The following ADGRB3 variants were observed in gnomAD, a reference collection of about 807,000 sequenced individuals.
ADGRB3 encodes the protein brain-specific angiogenesis inhibitor 3.
ADGRB3 carries 37 observed loss-of-function variants against 193.4 expected under a neutral mutation model. The observed-to-expected ratio is 0.19, with a 90% CI of 0.15 to 0.25. The LOEUF (loss-of-function observed/expected upper bound fraction) is 0.25. Ranked by LOEUF, ADGRB3 falls within the 10% of genes least tolerant of loss-of-function variation. ADGRB3 has a pLI of 1.00. For synonymous variants in ADGRB3, 690 were observed against 644.2 expected, an observed-to-expected ratio of 1.07 and a Z score of -1.08; for missense variants, 1,637 against 1,852.9, an observed-to-expected ratio of 0.88 and a Z score of 2.14.
At chr6:69,031,250 C>T (rs1770673363) in intron 13 of ADGRB3, among the ~76,000 whole-genome samples, 1 of 151,268 alleles carries the variant, frequency 6.6e-6, no homozygotes, top group South Asian at 2.1e-4. Flanking sequence ...ACCATCCTGG[C>T]TAACACGGTG....
At chr6:68,998,664 A>G (rs1380104837) in intron 11 of ADGRB3, among the ~76,000 whole-genome samples, 1 of 152,252 alleles carries the variant, frequency 6.6e-6, no homozygotes, top group African/African-American at 2.4e-5. Context: ...TATGATACCC[A>G]TTGTTTATTT....
At chr6:69,110,318 T>C (rs2150325285) in intron 17 of ADGRB3, among the ~76,000 whole-genome samples, 1 of 152,298 alleles carries the variant, frequency 6.6e-6, no homozygotes, top group Non-Finnish European at 1.5e-5. Flanking sequence ...ATAATGAAAT[T>C]AAAATATTCC....
chr6:69,368,258 A>G (rs1388400577), intron 29 of ADGRB3, among the ~76,000 whole-genome samples: 1 of 152,152 alleles, frequency 6.6e-6, no homozygotes, highest in African/African-American at 2.4e-5. Flanking sequence ...CAGAGGTTTT[A>G]GGAGAGGAGA....
At chr6:68,900,393 A>G (rs1459024543) in intron 3 of ADGRB3, among the ~76,000 whole-genome samples, 4 of 152,164 alleles carry the variant, frequency 2.6e-5, no homozygotes, top group Non-Finnish European at 5.9e-5. Flanking sequence ...TCAGGGGCTC[A>G]TAGGGAACAT....
At chr6:69,121,940 G>T (rs1474737299) in intron 17 of ADGRB3, among the ~76,000 whole-genome samples, 1 of 150,360 alleles carries the variant, frequency 6.7e-6, no homozygotes, top group Non-Finnish European at 1.5e-5. Context: ...AGACTGGGCG[G>T]CTGGGCAGAG....
intron 3 of ADGRB3, among the ~76,000 whole-genome samples, chr6:68,857,206 C>T (rs960790072): frequency 3.3e-5 from 5 of 152,182 alleles, no homozygotes; most frequent in African/African-American, 9.7e-5. Context: ...GGTTGGAGCC[C>T]CCACACAGAG....
intron 17 of ADGRB3, among the ~76,000 whole-genome samples, chr6:69,186,449 A>T (rs566429222): frequency 6.6e-6 from 1 of 152,168 alleles, no homozygotes; most frequent in East Asian, 1.9e-4. Context: ...CTCCCCACCC[A>T]GCATCATTTA....
At chr6:69,261,098 G>T (rs1245822885) in intron 20 of ADGRB3, among the ~76,000 whole-genome samples, 1 of 152,182 alleles carries the variant, frequency 6.6e-6, no homozygotes. Context: ...ATAATTATAT[G>T]CAGTTGCACT....
chr6:68,887,291 A>G (rs369598608), intron 3 of ADGRB3, among the ~76,000 whole-genome samples: 1 of 152,054 alleles, frequency 6.6e-6, no homozygotes, highest in African/African-American at 2.4e-5. Context: ...GGGCTTAACC[A>G]TTGATACGTA....
intron 3 of ADGRB3, among the ~76,000 whole-genome samples, chr6:68,877,846 G>C (rs527397132): frequency 6.6e-6 from 1 of 151,984 alleles, no homozygotes; most frequent in Non-Finnish European, 1.5e-5. Flanking sequence ...ATAACTGACC[G>C]ATTAGTCTGA....
intron 20 of ADGRB3, among the ~76,000 whole-genome samples, chr6:69,251,193 T>TTA (rs1766610230): frequency 1.3e-5 from 2 of 152,334 alleles, no homozygotes; most frequent in South Asian, 4.1e-4. Flanking sequence ...CCTAACTTTT[T>TTA]TATATTCCTC....
chr6:69,107,679 G>A (rs1201352248), intron 17 of ADGRB3, among the ~76,000 whole-genome samples: 1 of 151,996 alleles, frequency 6.6e-6, no homozygotes, highest in Non-Finnish European at 1.5e-5. Flanking sequence ...AAGAAAATGT[G>A]GTACATATAC....
chr6:69,052,097 C>A (rs1386651868), intron 15 of ADGRB3, among the ~76,000 whole-genome samples: 2 of 152,118 alleles, frequency 1.3e-5, no homozygotes, highest in African/African-American at 2.4e-5. Context: ...ACCATGTTAG[C>A]CAGGATGGCC....
chr6:68,789,148 AT>A (rs1240162071), intron 3 of ADGRB3, among the ~76,000 whole-genome samples: 1 of 151,894 alleles, frequency 6.6e-6, no homozygotes, highest in East Asian at 1.9e-4. Context: ...CATTTAGCCC[AT>A]TTACATTTAA....
At chr6:69,054,223 T>A (rs1159759208) in intron 15 of ADGRB3, among the ~76,000 whole-genome samples, 6 of 152,182 alleles carry the variant, frequency 3.9e-5, no homozygotes, top group Non-Finnish European at 8.8e-5. Context: ...CAAATTTCAA[T>A]AATGCAAAAA....
intron 4 of ADGRB3, among the ~76,000 whole-genome samples, chr6:68,932,452 A>T (rs1394567491): frequency 6.6e-6 from 1 of 152,162 alleles, no homozygotes; most frequent in African/African-American, 2.4e-5. Context: ...AGGAATTACT[A>T]ATTTCAAAAT....
intron 17 of ADGRB3, among the ~76,000 whole-genome samples, chr6:69,153,950 A>T (rs372357643): frequency 1.3e-5 from 2 of 152,044 alleles, no homozygotes; most frequent in Non-Finnish European, 2.9e-5. Context: ...CCGAGATTGC[A>T]CCACTGCACT....
intron 17 of ADGRB3, among the ~76,000 whole-genome samples, chr6:69,134,540 T>C (rs965962047): frequency 3.9e-5 from 6 of 152,072 alleles, no homozygotes; most frequent in Non-Finnish European, 5.9e-5. Flanking sequence ...ACTACCTTTC[T>C]TAGTTCAGTA....
chr6:68,635,682 C>T lies in ADGRB3; in HGVS notation c.-506C>T, dbSNP rs906167548. On this transcript the variant is annotated 5_prime_UTR_variant, in exon 1 of 32. Coordinates refer to ENST00000370598, the MANE Select transcript of ADGRB3 (RefSeq NM_001704.3). The stretch of plus-strand genomic sequence containing the variant: ...TACATTTTGGGGGGTTCCTTAGAGT[C>T]TCCCTTGGGGGGGCTTCTCCCTCCC... 1 of 152,384 alleles carries T rather than the reference C, an allele frequency of 6.6e-6. No homozygotes were observed. The highest frequency in any genetic ancestry group is 2.4e-5 in the African/African-American group (1 of 41,418). The allele number at this position is 152,384 out of a possible 1,614,324, so 9.4% of individuals were successfully genotyped here.
Sources: allele counts gnomAD v4.1 joint callset (sites outside exome capture counted in the v4.1 genomes callset), GRCh38; gene constraint gnomAD v4.1.1; transcripts MANE v1.5; gene names NCBI Gene and HGNC (gene_info 2026-07-23, HGNC 2026-07-21).